The following RAB38 variants were observed in gnomAD, a reference collection of about 807,000 sequenced individuals.
The protein encoded by RAB38 is ras-related protein Rab-38.
In RAB38, 15 loss-of-function variants were observed where a neutral mutation model predicts 18.4. That is an observed-to-expected ratio of 0.82 (90% CI 0.55 to 1.26). The LOEUF is 1.26. Among genes scored for constraint, RAB38 ranks in the 50% most tolerant of loss-of-function variants. The pLI is 0.00. For missense variants in RAB38, 294 were observed against 267.4 expected (o/e 1.10, Z -0.69); for synonymous variants, 101 against 104.4 (o/e 0.97, Z 0.20).
At chr11:87,825,906 C>T in the RAB38 span, among the ~76,000 whole-genome samples, 2 of 151,928 alleles carry the variant, frequency 1.3e-5, no homozygotes, top group Admixed American at 6.6e-5. Flanking sequence ...AATAGTCATA[C>T]TAAACTACAT....
At chr11:87,955,770 T>TATAAA in the RAB38 span, among the ~76,000 whole-genome samples, 1 of 152,240 alleles carries the variant, frequency 6.6e-6, no homozygotes, top group Non-Finnish European at 1.5e-5. Context: ...GAATATTTTC[T>TATAAA]ATAAAATATT....
the RAB38 span, among the ~76,000 whole-genome samples, chr11:87,948,997 C>A: frequency 1.3e-5 from 2 of 152,034 alleles, no homozygotes; most frequent in Non-Finnish European, 2.9e-5. Flanking sequence ...TGGTAGAATT[C>A]GGCTGTGAAT....
the RAB38 span, among the ~76,000 whole-genome samples, chr11:87,890,670 TC>T: frequency 6.6e-6 from 1 of 151,886 alleles, no homozygotes; most frequent in Non-Finnish European, 1.5e-5. Context: ...AATCGAAACT[TC>T]CTGCCACTCC....
intron 1 of RAB38, among the ~76,000 whole-genome samples, chr11:88,170,293 G>A (rs1943294971): frequency 6.6e-6 from 1 of 152,216 alleles, no homozygotes. Flanking sequence ...GCCCAGTGGA[G>A]CATGGCTCAG....
At chr11:87,913,106 G>C in the RAB38 span, among the ~76,000 whole-genome samples, 1 of 151,880 alleles carries the variant, frequency 6.6e-6, no homozygotes, top group Non-Finnish European at 1.5e-5. Context: ...TTTTTGGCCA[G>C]AATACAGTCT....
chr11:87,818,026 G>C, the RAB38 span, among the ~76,000 whole-genome samples: 1 of 152,126 alleles, frequency 6.6e-6, no homozygotes, highest in African/African-American at 2.4e-5. Flanking sequence ...TGTAAAACTA[G>C]GAAAGATACA....
chr11:87,912,261 G>C, the RAB38 span, among the ~76,000 whole-genome samples: 1 of 151,924 alleles, frequency 6.6e-6, no homozygotes. Flanking sequence ...TTCTGAAATA[G>C]TTTGTTTAGA....
At chr11:87,949,392 A>C in the RAB38 span, among the ~76,000 whole-genome samples, 1 of 151,920 alleles carries the variant, frequency 6.6e-6, no homozygotes, top group Admixed American at 6.6e-5. Context: ...TATTTCCTTC[A>C]GTTCTGCTCT....
At chr11:87,868,907 T>C in the RAB38 span, among the ~76,000 whole-genome samples, 1 of 151,716 alleles carries the variant, frequency 6.6e-6, no homozygotes, top group African/African-American at 2.4e-5. Context: ...CTGTCACCAA[T>C]GTCTAACTGC....
chr11:88,053,551 A>G, the RAB38 span, among the ~76,000 whole-genome samples: 17 of 151,192 alleles, frequency 1.1e-4, no homozygotes, highest in East Asian at 2.7e-3. Context: ...GATGAACATG[A>G]AAGTCATCAG....
At chr11:88,081,417 A>T in the RAB38 span, among the ~76,000 whole-genome samples, 2 of 151,900 alleles carry the variant, frequency 1.3e-5, no homozygotes, top group African/African-American at 2.4e-5. Context: ...AAACAACAGA[A>T]ATTTTTTGTC....
At chr11:87,809,252 G>A in the RAB38 span, among the ~76,000 whole-genome samples, 3 of 152,232 alleles carry the variant, frequency 2.0e-5, no homozygotes, top group East Asian at 5.8e-4. Flanking sequence ...GGATATAGAA[G>A]TTTTGAAAGA....
At chr11:87,908,423 T>A in the RAB38 span, among the ~76,000 whole-genome samples, 3 of 152,016 alleles carry the variant, frequency 2.0e-5, no homozygotes, top group African/African-American at 7.2e-5. Context: ...CTTTGGTGAA[T>A]AAATTGGTAT....
the RAB38 span, among the ~76,000 whole-genome samples, chr11:87,840,174 G>C: frequency 9.8e-5 from 15 of 152,286 alleles, no homozygotes; most frequent in Middle Eastern, 6.8e-3. Context: ...GATAACAAAT[G>C]AAAGGAAGAG....
chr11:87,891,732 G>A, the RAB38 span, among the ~76,000 whole-genome samples: 17 of 151,988 alleles, frequency 1.1e-4, no homozygotes, highest in East Asian at 1.8e-3. Flanking sequence ...TCAAGAATTT[G>A]AAATGTGTTG....
chr11:88,091,559 C>T, the RAB38 span, among the ~76,000 whole-genome samples: 4 of 152,112 alleles, frequency 2.6e-5, no homozygotes, highest in Admixed American at 1.3e-4. Context: ...TCCCACAGAC[C>T]GCTGATTGCC....
chr11:87,957,941 AATCACTTTCCAAAT>A, the RAB38 span, among the ~76,000 whole-genome samples: 76 of 152,228 alleles, frequency 5.0e-4, 1 homozygote, highest in South Asian at 1.2e-3. Context: ...TCTTCCCTAG[AATCACTTTCCAAAT>A]ATCACTTTCC....
the RAB38 span, among the ~76,000 whole-genome samples, chr11:87,873,214 T>C: frequency 6.6e-6 from 1 of 151,606 alleles, no homozygotes; most frequent in East Asian, 2.0e-4. Context: ...GTTGAGCATC[T>C]TTTCATATGC....
At chr11:87,977,734 G>A in the RAB38 span, among the ~76,000 whole-genome samples, 4 of 42,732 alleles carry the variant, frequency 9.4e-5, no homozygotes, top group Admixed American at 4.8e-4. Flanking sequence ...TATGACATAT[G>A]TTATATATTC....
Sources: allele counts gnomAD v4.1 joint callset (sites outside exome capture counted in the v4.1 genomes callset), GRCh38; gene constraint gnomAD v4.1.1; transcripts MANE v1.5; gene names NCBI Gene and HGNC (gene_info 2026-07-23, HGNC 2026-07-21).